SNX29: variants seen among roughly 807,000 people sequenced by gnomAD.
SNX29 encodes sorting nexin 29, also known as sorting nexin-29.
SNX29 carries 78 observed loss-of-function variants against 102.1 expected under a neutral mutation model. The observed-to-expected ratio is 0.76, with a 90% CI of 0.64 to 0.92. SNX29 has a LOEUF of 0.92. SNX29 is among the 40% of genes least tolerant of loss of function. The probability of loss-of-function intolerance (pLI) is 0.00; values close to 1 mark genes in which losing one functional copy is unlikely to be tolerated. For missense variants in SNX29, 1,280 were observed against 1,061.7 expected, an observed-to-expected ratio of 1.21 and a Z score of -2.86; for synonymous variants, 580 against 414.5, an observed-to-expected ratio of 1.40 and a Z score of -4.85.
chr16:12,024,910 C>G (rs1179755654), intron 3 of SNX29, among the ~76,000 whole-genome samples: 1 of 151,908 alleles, frequency 6.6e-6, no homozygotes, highest in Non-Finnish European at 1.5e-5. Flanking sequence ...TGAGACAGAC[C>G]CCTGATCTAG....
At chr16:12,550,110 G>C (rs1426034287) in intron 20 of SNX29, among the ~76,000 whole-genome samples, 1 of 152,208 alleles carries the variant, frequency 6.6e-6, no homozygotes, top group Non-Finnish European at 1.5e-5. Context: ...GAATACTGAG[G>C]CTGATGTACA....
intron 20 of SNX29, among the ~76,000 whole-genome samples, chr16:12,561,558 C>T (rs1303025890): frequency 3.9e-5 from 6 of 152,170 alleles, no homozygotes; most frequent in South Asian, 2.1e-4. Context: ...CACTGATGAG[C>T]AGTTGAGGCT....
intron 14 of SNX29, among the ~76,000 whole-genome samples, chr16:12,225,643 AATACAGC>A (rs2142149957): frequency 1.3e-5 from 2 of 152,328 alleles, no homozygotes; most frequent in African/African-American, 4.8e-5. Flanking sequence ...AAAACGGACT[AATACAGC>A]ATCCAGGTCA....
At chr16:12,514,914 AAGAG>A (rs762203162) in intron 19 of SNX29, among the ~76,000 whole-genome samples, 8 of 143,652 alleles carry the variant, frequency 5.6e-5, no homozygotes, top group African/African-American at 1.6e-4. Context: ...GAGAGAAAGA[AAGAG>A]AGAAAGAAAG....
At chr16:12,453,548 AT>A (rs879538406) in intron 18 of SNX29, among the ~76,000 whole-genome samples, 559 of 146,022 alleles carry the variant, frequency 3.8e-3, no homozygotes, top group African/African-American at 7.4e-3. Context: ...GGGCTCAGTA[AT>A]TTTTTTTTTT....
intron 20 of SNX29, among the ~76,000 whole-genome samples, chr16:12,560,501 G>A (rs537604547): frequency 6.6e-5 from 10 of 152,216 alleles, no homozygotes; most frequent in South Asian, 2.1e-4. Flanking sequence ...TTCTGGGCAC[G>A]CCTGTCCTGC....
chr16:12,129,651 C>T lies in SNX29; in HGVS notation c.1488C>T (p.Asp496=), dbSNP rs371383536. Residue 496 remains aspartate (D), a synonymous_variant, in exon 13 of 21, where the codon GAC becomes GAT. Transcript: ENST00000566228. ...CCAGATCACTGCGAAACCTGCTCGACGGTGAGATGGAGCACTCAGCCGCGC... is the reference window on the plus strand; with the variant it reads ...CCAGATCACTGCGAAACCTGCTCGATGGTGAGATGGAGCACTCAGCCGCGC... ...EENRSLRNLL[D]GEMEHSAALR... is the part of the protein sequence containing the mutation. The T allele has an allele frequency of 2.2e-5, 36 of 1,610,844 alleles. No individual in the cohort carries two copies. The Admixed American group carries it at 2.5e-4, about 11-fold the overall frequency.
At chr16:12,562,796 T>G (rs1034563433) in intron 20 of SNX29, among the ~76,000 whole-genome samples, 3 of 152,180 alleles carry the variant, frequency 2.0e-5, no homozygotes, top group Non-Finnish European at 4.4e-5. Context: ...ACCATCAAGA[T>G]GTGGAACAAC....
At chr16:12,229,624 A>T (rs2077712646) in intron 14 of SNX29, among the ~76,000 whole-genome samples, 2 of 150,954 alleles carry the variant, frequency 1.3e-5, no homozygotes, top group Admixed American at 1.3e-4. Flanking sequence ...CTGTCACATG[A>T]TGTTTAAAGA....
At chr16:12,443,427 A>C in intron 18 of SNX29, 1 of 155,460 alleles carries the variant, frequency 6.4e-6, no homozygotes, top group Non-Finnish European at 1.4e-5. Context: ...GCACCCCAAA[A>C]CATCAGCTCT....
At chr16:12,064,060 T>C (rs995590630) in intron 9 of SNX29, among the ~76,000 whole-genome samples, 1 of 152,128 alleles carries the variant, frequency 6.6e-6, no homozygotes, top group Non-Finnish European at 1.5e-5. Context: ...TGAATCAATT[T>C]CCTGCTCACC....
chr16:12,234,899 A>G (rs1171996266), intron 14 of SNX29, among the ~76,000 whole-genome samples: 1 of 152,034 alleles, frequency 6.6e-6, no homozygotes. Flanking sequence ...TCAGCTCCCT[A>G]CCTTACACGT....
intron 15 of SNX29, among the ~76,000 whole-genome samples, chr16:12,333,655 G>T (rs1221931282): frequency 6.6e-6 from 1 of 151,968 alleles, no homozygotes; most frequent in East Asian, 1.9e-4. Context: ...TCTTCCCCAG[G>T]GCTCCCAGTC....
chr16:12,089,674 G>T lies in SNX29; in HGVS notation c.1402+10759G>T. ...CAGAAGTGAGGGGGAGAGTGAGTTG[G>T]AGGATGCTGGAGAGGGTGGCTCGTG... On this transcript the variant is annotated intron_variant, in intron 11 of 20. Coordinates refer to ENST00000566228, the MANE Select transcript of SNX29 (RefSeq NM_032167.5). The T allele has an allele frequency of 1.6e-5, 3 of 189,836 alleles. No homozygotes were observed. In the South Asian group the frequency reaches 1.8e-4, roughly 11 times the overall value. The allele number at this position is 189,836 out of a possible 1,614,324, so 11.8% of individuals were successfully genotyped here.
At chr16:12,456,509 G>GTA (rs1244129764) in intron 18 of SNX29, among the ~76,000 whole-genome samples, 1 of 148,362 alleles carries the variant, frequency 6.7e-6, no homozygotes, top group Non-Finnish European at 1.5e-5. Context: ...GTGTGCACGT[G>GTA]TGTGTGTGTG....
intron 19 of SNX29, among the ~76,000 whole-genome samples, chr16:12,481,035 C>T (rs1470554647): frequency 6.6e-6 from 1 of 152,176 alleles, no homozygotes; most frequent in African/African-American, 2.4e-5. Context: ...CAATCTGTCC[C>T]TGCTCATCCC....
intron 19 of SNX29, among the ~76,000 whole-genome samples, chr16:12,498,861 G>A (rs145437719): frequency 1.2e-3 from 190 of 152,278 alleles, no homozygotes; most frequent in African/African-American, 4.3e-3. Context: ...GAAAGATGAG[G>A]ATGTAAGTAG....
intron 20 of SNX29, among the ~76,000 whole-genome samples, chr16:12,556,905 T>C (rs942443830): frequency 6.7e-6 from 1 of 150,108 alleles, no homozygotes; most frequent in African/African-American, 2.5e-5. Context: ...TCACCTTGAG[T>C]GTAGTGGCAT....
intron 18 of SNX29, among the ~76,000 whole-genome samples, chr16:12,405,525 G>A (rs540184134): frequency 1.3e-5 from 2 of 152,290 alleles, no homozygotes; most frequent in Admixed American, 1.3e-4. Context: ...CCTGATGCTG[G>A]GGTGTGTGAA....
Sources: allele counts gnomAD v4.1 joint callset (sites outside exome capture counted in the v4.1 genomes callset), GRCh38; gene constraint gnomAD v4.1.1; transcripts MANE v1.5; gene names NCBI Gene and HGNC (gene_info 2026-07-23, HGNC 2026-07-21).